RTN4: variants seen among roughly 807,000 people sequenced by gnomAD.
RTN4 encodes reticulon-4.
RTN4 carries 32 observed loss-of-function variants against 90.4 expected under a neutral mutation model. The observed-to-expected ratio is 0.35, with a 90% CI of 0.27 to 0.48. The LOEUF (loss-of-function observed/expected upper bound fraction) is 0.48, where lower values mean the gene tolerates loss of function less well. Among genes scored for constraint, RTN4 ranks in the 20% least tolerant of loss-of-function variants. The pLI is 0.99. For missense variants in RTN4, 1,706 were observed against 1,430.2 expected, an observed-to-expected ratio of 1.19 and a Z score of -3.11; for synonymous variants, 629 against 552.5, an observed-to-expected ratio of 1.14 and a Z score of -1.94.
intron 3 of RTN4, among the ~76,000 whole-genome samples, chr2:55,010,950 C>G (rs1436730324): frequency 1.3e-5 from 2 of 152,156 alleles, no homozygotes; most frequent in African/African-American, 4.8e-5. Context: ...TTAATAGATT[C>G]TTAGCTTGGG....
At chr2:55,095,751 A>G (rs1036682637) in intron 1 of RTN4, among the ~76,000 whole-genome samples, 6 of 152,158 alleles carry the variant, frequency 3.9e-5, no homozygotes, top group Non-Finnish European at 8.8e-5. Context: ...TATGTTGCCC[A>G]AGCTCTATGC....
At chr2:55,089,831 T>C (rs1668905881) in intron 1 of RTN4, among the ~76,000 whole-genome samples, 1 of 152,148 alleles carries the variant, frequency 6.6e-6, no homozygotes, top group Non-Finnish European at 1.5e-5. Flanking sequence ...GTCACTGGCC[T>C]CTCCAGGCAT....
At chr2:55,129,139 G>A in the RTN4 span, among the ~76,000 whole-genome samples, 3 of 150,316 alleles carry the variant, frequency 2.0e-5, no homozygotes, top group Non-Finnish European at 4.4e-5. Flanking sequence ...AAAAGAAAAG[G>A]GGGTGGGAGG....
chr2:55,096,130 C>T (rs1326070203), intron 1 of RTN4, among the ~76,000 whole-genome samples: 2 of 152,124 alleles, frequency 1.3e-5, no homozygotes, highest in African/African-American at 4.8e-5. Context: ...AGTTCAAGCC[C>T]AACCTAACCA....
chr2:55,117,922 T>G, the RTN4 span, among the ~76,000 whole-genome samples: 1 of 152,198 alleles, frequency 6.6e-6, no homozygotes, highest in Non-Finnish European at 1.5e-5. Flanking sequence ...AGGGTTCCTT[T>G]TATTACAATT....
chr2:54,979,081 T>A (rs1381444255), intron 5 of RTN4, among the ~76,000 whole-genome samples: 3 of 151,388 alleles, frequency 2.0e-5, no homozygotes, highest in Non-Finnish European at 4.4e-5. Context: ...ACAGACAGGG[T>A]CTCACTCTGT....
At chr2:55,113,294 A>G (rs1203994706), upstream of RTN4, among the ~76,000 whole-genome samples, 2 of 152,228 alleles carry the variant, frequency 1.3e-5, no homozygotes, top group African/African-American at 4.8e-5. Flanking sequence ...TTACCTGTAG[A>G]AGAGGATCCC....
intron 1 of RTN4, among the ~76,000 whole-genome samples, chr2:55,101,145 TA>T (rs1283641167): frequency 3.3e-5 from 5 of 152,058 alleles, no homozygotes; most frequent in Non-Finnish European, 7.4e-5. Context: ...AAATAATAAT[TA>T]TTTTACATGT....
intron 5 of RTN4, among the ~76,000 whole-genome samples, chr2:54,981,060 CAGATTT>C (rs1457968864): frequency 1.3e-5 from 2 of 152,188 alleles, no homozygotes; most frequent in African/African-American, 2.4e-5. Flanking sequence ...AACACCACTA[CAGATTT>C]AGTCACTAAA....
At position 54,997,574 on chromosome 2, in the gene RTN4, T is replaced by C. The variant is rs112839306; in HGVS notation, c.3014-9876A>G. Among the ~76,000 whole-genome samples the C allele has an allele frequency of 6.8e-3, 1,038 of 152,298 alleles. 11 individuals carry two copies. The highest frequency in any genetic ancestry group is 0.023 in the African/African-American group (969 of 41,560). On this transcript the variant is annotated intron_variant, in intron 3 of 8. Coordinates refer to ENST00000337526, the MANE Select transcript of RTN4 (RefSeq NM_020532.5). The stretch of plus-strand genomic sequence containing the variant: ...ATGTTCATAGCAGCATTATTCATGA[T>C]AGCCAAAAAGAGGAGACAGACAACC...
At position 55,026,378 on chromosome 2, in the gene RTN4, T is replaced by A; in HGVS notation, c.1721A>T (p.Glu574Val). 6.2e-7 allele frequency: 1 copy of A among 1,613,992 alleles called. No homozygotes were observed. The highest frequency in any genetic ancestry group is 8.5e-7 in the Non-Finnish European group (1 of 1,179,910). Residue 574 changes from glutamate to valine, a missense_variant, in exon 3 of 9, where the codon GAA (glutamate) becomes GTA (valine). Transcript: ENST00000337526. ...TGTTTGAACCAAGTCCATTTTTGTT[T>A]CATAAGCAATCTTTGTACCAGTAAC... ...NEVTGTKIAY[E>V]TKMDLVQTSE...
chr2:55,126,698 C>T, the RTN4 span, among the ~76,000 whole-genome samples: 9 of 152,252 alleles, frequency 5.9e-5, no homozygotes, highest in Admixed American at 3.3e-4. Context: ...GGAATATAAA[C>T]GATTCTATCA....
chr2:55,100,495 G>T (rs556724236), intron 1 of RTN4, among the ~76,000 whole-genome samples: 1 of 152,218 alleles, frequency 6.6e-6, no homozygotes, highest in East Asian at 1.9e-4. Flanking sequence ...GAGGAGTTAA[G>T]ATCTCAGCAC....
At chr2:55,130,944 T>C in the RTN4 span, among the ~76,000 whole-genome samples, 1 of 152,150 alleles carries the variant, frequency 6.6e-6, no homozygotes, top group Non-Finnish European at 1.5e-5. Context: ...ACTCTCCTAA[T>C]AGTAGGTTGG....
intron 5 of RTN4, among the ~76,000 whole-genome samples, chr2:54,975,944 T>C (rs1323281248): frequency 6.6e-6 from 1 of 152,236 alleles, no homozygotes; most frequent in Non-Finnish European, 1.5e-5. Flanking sequence ...TCTTAGCAAT[T>C]GCTATTGGAA....
At chr2:55,116,705 G>T (rs1288839914), upstream of RTN4, among the ~76,000 whole-genome samples, 2 of 152,164 alleles carry the variant, frequency 1.3e-5, no homozygotes, top group Admixed American at 1.3e-4. Context: ...GCAGAGGCAG[G>T]ACCAGAATTC....
intron 1 of RTN4, among the ~76,000 whole-genome samples, chr2:55,108,411 G>C (rs1667981023): frequency 1.3e-5 from 2 of 152,098 alleles, no homozygotes; most frequent in South Asian, 2.1e-4. Context: ...AGAGGGAGAA[G>C]GGTGAAGGGG....
At chr2:55,074,842 A>T (rs1273438868) in intron 2 of RTN4, among the ~76,000 whole-genome samples, 1 of 152,226 alleles carries the variant, frequency 6.6e-6, no homozygotes, top group Non-Finnish European at 1.5e-5. Context: ...TGATTATCTC[A>T]AGAGATGCAG....
At chr2:55,019,137 T>C (rs1001225125) in intron 3 of RTN4, among the ~76,000 whole-genome samples, 2 of 151,974 alleles carry the variant, frequency 1.3e-5, no homozygotes, top group Non-Finnish European at 2.9e-5. Context: ...TCATAAACCA[T>C]TGGAAAGAAA....
Sources: allele counts gnomAD v4.1 joint callset (sites outside exome capture counted in the v4.1 genomes callset), GRCh38; gene constraint gnomAD v4.1.1; transcripts MANE v1.5; gene names NCBI Gene and HGNC (gene_info 2026-07-23, HGNC 2026-07-21).